PLCB1: variants seen among roughly 807,000 people sequenced by gnomAD.
PLCB1 encodes phospholipase C beta 1.
PLCB1 carries 46 observed loss-of-function variants against 161.8 expected under a neutral mutation model. That is an observed-to-expected ratio of 0.28 (90% CI 0.22 to 0.36). The LOEUF (loss-of-function observed/expected upper bound fraction) is 0.36, where lower values mean the gene tolerates loss of function less well. Among genes scored for constraint, PLCB1 ranks in the 10% least tolerant of loss-of-function variants. PLCB1 has a pLI of 1.00. For missense variants in PLCB1, 1,016 were observed against 1,472.5 expected (o/e 0.69, Z 5.07); for synonymous variants, 517 against 503.7 (o/e 1.03, Z -0.35).
At chr20:8,661,446 C>A (rs976613573) in intron 9 of PLCB1, among the ~76,000 whole-genome samples, 1 of 152,074 alleles carries the variant, frequency 6.6e-6, no homozygotes, top group Non-Finnish European at 1.5e-5. Context: ...TACCGTATAA[C>A]GTGCATCCTC....
At chr20:8,140,250 C>G (rs2051389097) in intron 1 of PLCB1, among the ~76,000 whole-genome samples, 1 of 152,224 alleles carries the variant, frequency 6.6e-6, no homozygotes, top group South Asian at 2.1e-4. Flanking sequence ...CTAAAGCCTG[C>G]TCCTCCAACC....
In PLCB1 at chr20:8,634,165, T is replaced by C. The variant is rs529773916; in HGVS notation, c.384+5734T>C. 5.8e-4 allele frequency among the ~76,000 whole-genome samples: 89 copies of C among 152,322 alleles called. 2 individuals carry two copies. The South Asian group carries it at 0.018, about 30-fold the overall frequency. ...AGATACTGTCCTTTTCTCAAACTTG[T>C]TGAGCCATTTTGATTTTTTAATATT... On this transcript the variant is annotated intron_variant, in intron 4 of 31. Transcript: ENST00000338037.
At chr20:8,200,236 T>C (rs1479100032) in intron 2 of PLCB1, among the ~76,000 whole-genome samples, 1 of 152,060 alleles carries the variant, frequency 6.6e-6, no homozygotes, top group Non-Finnish European at 1.5e-5. Context: ...TTCCTGGGTA[T>C]TGTTTTTGCA....
intron 2 of PLCB1, among the ~76,000 whole-genome samples, chr20:8,172,889 G>A (rs181280642): frequency 6.6e-6 from 1 of 152,300 alleles, no homozygotes; most frequent in Admixed American, 6.5e-5. Flanking sequence ...AAAAGAAGGT[G>A]ATCAGGACCA....
intron 2 of PLCB1, among the ~76,000 whole-genome samples, chr20:8,196,637 A>C (rs992705896): frequency 3.0e-4 from 45 of 149,436 alleles, no homozygotes; most frequent in Non-Finnish European, 1.6e-4. Flanking sequence ...AGCCTCAAAC[A>C]AGCTCCTTTT....
chr20:8,432,912 A>AGTGGCGCCCGTGGGATTGT (rs1406224031), intron 3 of PLCB1, among the ~76,000 whole-genome samples: 1 of 152,212 alleles, frequency 6.6e-6, no homozygotes, highest in Non-Finnish European at 1.5e-5. Flanking sequence ...GATTTCTGCC[A>AGTGGCGCCCGTGGGATTGT]GTGGCGCCCG....
intron 3 of PLCB1, among the ~76,000 whole-genome samples, chr20:8,553,167 T>C (rs1320903160): frequency 1.3e-5 from 2 of 152,200 alleles, no homozygotes; most frequent in Non-Finnish European, 2.9e-5. Flanking sequence ...AACCTGCATG[T>C]GTTTTATAGT....
intron 2 of PLCB1, among the ~76,000 whole-genome samples, chr20:8,174,917 A>C (rs1180375513): frequency 2.0e-5 from 3 of 151,346 alleles, no homozygotes; most frequent in Non-Finnish European, 4.4e-5. Flanking sequence ...TAAAATAAAT[A>C]AAAAAGATGG....
chr20:8,612,203 A>G (rs933422036), intron 3 of PLCB1, among the ~76,000 whole-genome samples: 2 of 152,192 alleles, frequency 1.3e-5, no homozygotes, highest in Admixed American at 6.5e-5. Context: ...CAATAAAGGC[A>G]TAAAGTTTGT....
chr20:8,459,968 C>G (rs989036192), intron 3 of PLCB1, among the ~76,000 whole-genome samples: 6 of 152,134 alleles, frequency 3.9e-5, no homozygotes, highest in African/African-American at 1.4e-4. Flanking sequence ...ATGAAGCCAC[C>G]TTAAGTGGCA....
intron 2 of PLCB1, among the ~76,000 whole-genome samples, chr20:8,264,727 G>T (rs1981868836): frequency 6.6e-6 from 1 of 152,072 alleles, no homozygotes; most frequent in Non-Finnish European, 1.5e-5. Flanking sequence ...GACTGTGTGT[G>T]TGTATGTAGG....
At chr20:8,323,117 A>G (rs1217744981) in intron 2 of PLCB1, among the ~76,000 whole-genome samples, 5 of 152,158 alleles carry the variant, frequency 3.3e-5, no homozygotes, top group African/African-American at 9.7e-5. Flanking sequence ...AAGCCAGCAT[A>G]AACTTGATTA....
At chr20:8,458,559 G>A (rs144707888) in intron 3 of PLCB1, among the ~76,000 whole-genome samples, 230 of 152,242 alleles carry the variant, frequency 1.5e-3, no homozygotes, top group Middle Eastern at 6.8e-3. Flanking sequence ...AATTGCCCAG[G>A]CCTTCACTCT....
At chr20:8,600,465 C>T (rs1452461674) in intron 3 of PLCB1, among the ~76,000 whole-genome samples, 35 of 149,888 alleles carry the variant, frequency 2.3e-4, no homozygotes, top group Non-Finnish European at 4.9e-4. Context: ...GTTCTCAGAT[C>T]TCCAGCTGCG....
chr20:8,519,118 C>T (rs745538379), intron 3 of PLCB1, among the ~76,000 whole-genome samples: 1 of 152,018 alleles, frequency 6.6e-6, no homozygotes, highest in Non-Finnish European at 1.5e-5. Context: ...AGACTGATAG[C>T]GGTCCATGGC....
chr20:8,437,377 A>G (rs2122599148), intron 3 of PLCB1, among the ~76,000 whole-genome samples: 1 of 152,390 alleles, frequency 6.6e-6, no homozygotes, highest in South Asian at 2.1e-4. Flanking sequence ...ACAGGAATAG[A>G]CAACTGTATC....
At chr20:8,378,377 C>T (rs2122375008) in intron 3 of PLCB1, among the ~76,000 whole-genome samples, 1 of 152,300 alleles carries the variant, frequency 6.6e-6, no homozygotes, top group South Asian at 2.1e-4. Context: ...AAGTAATACA[C>T]ATTTTTTGGT....
At chr20:8,361,454 G>A (rs552534617) in intron 2 of PLCB1, among the ~76,000 whole-genome samples, 7 of 152,168 alleles carry the variant, frequency 4.6e-5, no homozygotes, top group African/African-American at 1.7e-4. Flanking sequence ...GAATCACTGG[G>A]AGGTGAATCA....
chr20:8,823,351 G>C (rs1316366607), intron 31 of PLCB1, among the ~76,000 whole-genome samples: 1 of 152,138 alleles, frequency 6.6e-6, no homozygotes, highest in Non-Finnish European at 1.5e-5. Context: ...TGAAACTCCT[G>C]ACCTCAGGTG....
Sources: gnomAD v4.1 joint callset for allele counts (sites outside exome capture counted in the v4.1 genomes callset) on GRCh38, gnomAD v4.1.1 for gene constraint, MANE v1.5 for transcripts, NCBI Gene and HGNC (gene_info 2026-07-23, HGNC 2026-07-21) for gene names.